MAN2A1: variants seen among roughly 807,000 people sequenced by gnomAD.
MAN2A1 encodes alpha-mannosidase 2.
MAN2A1 carries 76 observed loss-of-function variants against 142.6 expected under a neutral mutation model. The observed-to-expected ratio is 0.53, with a 90% CI of 0.44 to 0.65. The LOEUF (loss-of-function observed/expected upper bound fraction) is 0.65. MAN2A1 is among the 30% of genes least tolerant of loss of function. The pLI, the probability that MAN2A1 is intolerant of heterozygous loss-of-function variation, is 0.00. For synonymous variants in MAN2A1, 559 were observed against 473.2 expected (o/e 1.18, Z -2.35); for missense variants, 1,311 against 1,365.1 (o/e 0.96, Z 0.62).
At chr5:109,707,981 G>A (rs6892181) in intron 1 of MAN2A1, among the ~76,000 whole-genome samples, 58,142 of 151,836 alleles carry the variant, frequency 0.38, 12,063 homozygotes, top group African/African-American at 0.55. Context: ...TGAGGTTTCA[G>A]CGGGAGATAC....
chr5:109,702,425 A>G (rs1751015466), intron 1 of MAN2A1, among the ~76,000 whole-genome samples: 1 of 151,810 alleles, frequency 6.6e-6, no homozygotes, highest in East Asian at 1.9e-4. Flanking sequence ...TCAAAATGCA[A>G]CACCCCAAAT....
At position 109,770,449 on chromosome 5, in the gene MAN2A1, C is replaced by T. The variant is rs1388310392; in HGVS notation, c.1104C>T (p.Cys368=). 1 of 1,613,746 alleles carries T rather than the reference C, an allele frequency of 6.2e-7. No individual in the cohort carries two copies. The highest frequency in any genetic ancestry group is 8.5e-7 in the Non-Finnish European group (1 of 1,179,820). ...GTGGACCTGATCCTAAAATATGCTG[C>T]CAGTTTGATTTTAAACGTCTTCCTG... is the stretch of plus-strand genomic sequence containing the variant. ...HTCGPDPKIC[C]QFDFKRLPGG... Residue 368 remains cysteine, a synonymous_variant, in exon 7 of 22, where the codon TGC becomes TGT. Transcript: ENST00000261483.
chr5:109,702,561 T>G (rs1751018619), intron 1 of MAN2A1, among the ~76,000 whole-genome samples: 1 of 152,104 alleles, frequency 6.6e-6, no homozygotes, highest in Non-Finnish European at 1.5e-5. Context: ...CCCCATGAAC[T>G]GGAGAAGTAA....
chr5:109,861,011 T>G (rs369440310), intron 20 of MAN2A1, among the ~76,000 whole-genome samples: 1 of 152,166 alleles, frequency 6.6e-6, no homozygotes, highest in African/African-American at 2.4e-5. Context: ...GAGCACAAAT[T>G]CATAGCTAGT....
chr5:109,850,806 T>A (rs1755464068), intron 19 of MAN2A1, among the ~76,000 whole-genome samples: 1 of 152,234 alleles, frequency 6.6e-6, no homozygotes, highest in Non-Finnish European at 1.5e-5. Flanking sequence ...TTTAATTTAA[T>A]GTTTTTATGT....
intron 16 of MAN2A1, among the ~76,000 whole-genome samples, chr5:109,834,996 G>A (rs917481132): frequency 6.6e-6 from 1 of 151,810 alleles, no homozygotes; most frequent in Non-Finnish European, 1.5e-5. Context: ...ATATGGTCAC[G>A]ATAATATTTT....
chr5:109,772,025 G>A (rs1193058783), intron 7 of MAN2A1, among the ~76,000 whole-genome samples: 1 of 151,740 alleles, frequency 6.6e-6, no homozygotes, highest in East Asian at 1.9e-4. Flanking sequence ...TAGTTCCAGT[G>A]GTTTTGAAAG....
At chr5:109,729,260 C>A in intron 3 of MAN2A1, 82 bp from the exon 4 acceptor site, 3 of 832,198 alleles carry the variant, frequency 3.6e-6, no homozygotes, top group Non-Finnish European at 5.6e-6. Context: ...TAACGATGTC[C>A]AAAGTAATGC....
intron 1 of MAN2A1, among the ~76,000 whole-genome samples, chr5:109,708,219 C>T (rs990661912): frequency 6.6e-6 from 1 of 151,912 alleles, no homozygotes; most frequent in African/African-American, 2.4e-5. Context: ...AAGGAGTGCT[C>T]CATTGTGCCT....
intron 20 of MAN2A1, among the ~76,000 whole-genome samples, chr5:109,858,657 A>G (rs972397513): frequency 7.2e-5 from 11 of 152,258 alleles, no homozygotes; most frequent in Non-Finnish European, 1.3e-4. Flanking sequence ...TTAAGTAAGC[A>G]TATTCCTAAC....
intron 4 of MAN2A1, among the ~76,000 whole-genome samples, chr5:109,747,393 A>G (rs894037964): frequency 1.3e-5 from 2 of 152,170 alleles, no homozygotes; most frequent in African/African-American, 4.8e-5. Flanking sequence ...ATAAACATTT[A>G]TGAATTTCAC....
chr5:109,767,856 C>T, intron 6 of MAN2A1, 148 bp downstream of exon 6: 1 of 626,936 alleles, frequency 1.6e-6, no homozygotes, highest in Non-Finnish European at 2.7e-6. Context: ...TTATTTTTCC[C>T]ATGTGCCTGT....
At chr5:109,691,158 G>T (rs1381360223) in intron 1 of MAN2A1, among the ~76,000 whole-genome samples, 1 of 152,190 alleles carries the variant, frequency 6.6e-6, no homozygotes, top group Non-Finnish European at 1.5e-5. Flanking sequence ...CAGACAGGGG[G>T]AACCGAGTGG....
At position 109,713,524 on chromosome 5, in the gene MAN2A1, A is replaced by G. The variant is rs375837315; in HGVS notation, c.140A>G (p.Gln47Arg). The change falls in exon 2 of 22, where the codon CAG becomes CGG. Residue 47 changes from glutamine (Q) to arginine (R), a missense_variant. Around this residue, in one of 3 missense-constraint regions of MAN2A1, gnomAD observed 409 missense variants for 412.7 expected, o/e 0.99. Transcript: ENST00000261483. ...PRREGSFPQG[Q>R]LSMLQEKIDH... ...CCTTTTTCTTTTTTATTGTAGGGCCAGCTCTCAATGTTGCAAGAAAAAATA... is the reference window on the plus strand; with the variant it reads ...CCTTTTTCTTTTTTATTGTAGGGCCGGCTCTCAATGTTGCAAGAAAAAATA... The G allele has an allele frequency of 3.1e-6, 5 of 1,603,516 alleles. No individual in the cohort carries two copies. Among genetic ancestry groups the G allele is most frequent in the Non-Finnish European group, 4.3e-6 (5 of 1,172,598 alleles).
intron 7 of MAN2A1, among the ~76,000 whole-genome samples, chr5:109,772,281 A>G (rs1358125950): frequency 6.6e-6 from 1 of 152,162 alleles, no homozygotes; most frequent in East Asian, 1.9e-4. Context: ...AGGTAGGAGA[A>G]CTAATAGAAC....
intron 3 of MAN2A1, among the ~76,000 whole-genome samples, chr5:109,718,276 A>G (rs746115229): frequency 6.6e-6 from 1 of 152,186 alleles, no homozygotes; most frequent in Non-Finnish European, 1.5e-5. Context: ...ATTTTTTAAA[A>G]GACCTTTATT....
intron 12 of MAN2A1, among the ~76,000 whole-genome samples, chr5:109,808,889 G>A (rs1010793424): frequency 2.6e-5 from 4 of 151,806 alleles, no homozygotes; most frequent in African/African-American, 4.8e-5. Flanking sequence ...TTTTAGTAGA[G>A]ACAGGATGTC....
At chr5:109,816,053 G>A (rs1030284654) in intron 12 of MAN2A1, among the ~76,000 whole-genome samples, 3 of 152,196 alleles carry the variant, frequency 2.0e-5, no homozygotes, top group Non-Finnish European at 4.4e-5. Flanking sequence ...CATGAAGTCT[G>A]CAATGTGATG....
intron 5 of MAN2A1, among the ~76,000 whole-genome samples, chr5:109,766,992 A>G (rs1174076701): frequency 6.6e-6 from 1 of 152,304 alleles, no homozygotes; most frequent in African/African-American, 2.4e-5. Flanking sequence ...TTAAGATTTA[A>G]TGAAATATGG....
Sources: gnomAD v4.1 joint callset for allele counts (sites outside exome capture counted in the v4.1 genomes callset) on GRCh38, gnomAD v4.1.1 for gene constraint, gnomAD v4.1.1 regional missense constraint, MANE v1.5 for transcripts, NCBI Gene and HGNC (gene_info 2026-07-23, HGNC 2026-07-21) for gene names.